CDKAL1: variants seen among roughly 807,000 people sequenced by gnomAD.
The protein encoded by CDKAL1 is CDKAL1 threonylcarbamoyladenosine tRNA methylthiotransferase.
A neutral mutation model predicts 68.2 loss-of-function variants in CDKAL1; 32 were observed. That is an observed-to-expected ratio of 0.47 (90% CI 0.35 to 0.63). The LOEUF (loss-of-function observed/expected upper bound fraction) is 0.63, where lower values mean the gene tolerates loss of function less well. CDKAL1 is among the 30% of genes least tolerant of loss of function. The pLI, the probability that CDKAL1 is intolerant of heterozygous loss-of-function variation, is 0.00. For synonymous variants in CDKAL1, 234 were observed against 244.3 expected, an observed-to-expected ratio of 0.96 and a Z score of 0.39; for missense variants, 606 against 696.7, an observed-to-expected ratio of 0.87 and a Z score of 1.47.
At chr6:21,017,218 T>C (rs1371097063) in intron 11 of CDKAL1, among the ~76,000 whole-genome samples, 2 of 152,248 alleles carry the variant, frequency 1.3e-5, no homozygotes. Context: ...AGTATTTTTG[T>C]GTGTATGTTT....
chr6:21,154,073 C>T (rs1225691426), intron 13 of CDKAL1, among the ~76,000 whole-genome samples: 1 of 152,142 alleles, frequency 6.6e-6, no homozygotes, highest in African/African-American at 2.4e-5. Context: ...CCCTGTGTCT[C>T]GGTTTCCTCA....
intron 12 of CDKAL1, among the ~76,000 whole-genome samples, chr6:21,074,935 T>G (rs1444667437): frequency 6.6e-6 from 1 of 151,982 alleles, no homozygotes; most frequent in Non-Finnish European, 1.5e-5. Context: ...GTACCCAAAA[T>G]GTAGTGGTGT....
At chr6:21,080,121 C>G (rs1489379007) in intron 12 of CDKAL1, among the ~76,000 whole-genome samples, 1 of 150,708 alleles carries the variant, frequency 6.6e-6, no homozygotes, top group African/African-American at 2.4e-5. Context: ...GAGCACTTCC[C>G]TTATATCCAC....
chr6:21,072,617 GC>G lies in CDKAL1; in HGVS notation c.1236+7391del, dbSNP rs541243847. ...TCTTGTCTTTTATCTTCTAAACGTAGCCTGTTACCATCTTCCTCACGTTTTA... is the reference window on the plus strand; with the variant it reads ...TCTTGTCTTTTATCTTCTAAACGTAGCTGTTACCATCTTCCTCACGTTTTA... On this transcript the variant is annotated intron_variant, in intron 12 of 15. Transcript: ENST00000274695. Among the ~76,000 whole-genome samples, 139 of 135,706 alleles carry G rather than the reference GC, an allele frequency of 1.0e-3. 1 individual carries two copies. Among genetic ancestry groups the G allele is most frequent in the African/African-American group, 2.9e-3 (106 of 35,980 alleles). 89.0% of individuals were successfully genotyped at this position (135,706 alleles called of 152,430 possible).
chr6:20,592,747 G>A (rs1765647078), intron 4 of CDKAL1, among the ~76,000 whole-genome samples: 1 of 152,116 alleles, frequency 6.6e-6, no homozygotes, highest in Non-Finnish European at 1.5e-5. Flanking sequence ...GATTACAGGT[G>A]TGAGCCGCTG....
At chr6:20,771,264 C>A (rs117309072) in intron 7 of CDKAL1, among the ~76,000 whole-genome samples, 1 of 152,214 alleles carries the variant, frequency 6.6e-6, no homozygotes, top group East Asian at 1.9e-4. Flanking sequence ...TCACTCTTGC[C>A]ATTTCTATAG....
At chr6:20,940,582 CCT>C (rs1213470397) in intron 9 of CDKAL1, among the ~76,000 whole-genome samples, 1 of 152,080 alleles carries the variant, frequency 6.6e-6, no homozygotes, top group African/African-American at 2.4e-5. Flanking sequence ...GGAGATGGAG[CCT>C]CTCTCTTTTG....
At chr6:21,162,460 C>A (rs1776966233) in intron 13 of CDKAL1, among the ~76,000 whole-genome samples, 1 of 152,192 alleles carries the variant, frequency 6.6e-6, no homozygotes, top group Non-Finnish European at 1.5e-5. Flanking sequence ...GAGGCCCATT[C>A]CATGGTTTTG....
At chr6:21,141,850 A>G (rs1420185385) in intron 13 of CDKAL1, among the ~76,000 whole-genome samples, 1 of 152,238 alleles carries the variant, frequency 6.6e-6, no homozygotes, top group Non-Finnish European at 1.5e-5. Context: ...CCACAAACAT[A>G]TTGACCCAAA....
intron 4 of CDKAL1, among the ~76,000 whole-genome samples, chr6:20,596,050 C>G (rs975278540): frequency 1.3e-5 from 2 of 152,168 alleles, no homozygotes; most frequent in Non-Finnish European, 2.9e-5. Flanking sequence ...CTGGAAACTT[C>G]GTCTGCCAGA....
chr6:21,040,647 T>C (rs1191691092), intron 11 of CDKAL1, among the ~76,000 whole-genome samples: 1 of 152,210 alleles, frequency 6.6e-6, no homozygotes, highest in Non-Finnish European at 1.5e-5. Flanking sequence ...AATATTATTA[T>C]ACTTCAGGGT....
chr6:20,775,084 C>G (rs567413622), intron 7 of CDKAL1, among the ~76,000 whole-genome samples: 1 of 152,200 alleles, frequency 6.6e-6, no homozygotes, highest in East Asian at 1.9e-4. Flanking sequence ...TTGAGTATGT[C>G]TCATTCTACA....
At chr6:20,807,518 G>A (rs1175973170) in intron 8 of CDKAL1, among the ~76,000 whole-genome samples, 1 of 152,194 alleles carries the variant, frequency 6.6e-6, no homozygotes, top group Non-Finnish European at 1.5e-5. Context: ...ACTGTACCCG[G>A]CCTGAAATTT....
In CDKAL1 at chr6:21,166,466, G is replaced by A. The variant is rs79381660; in HGVS notation, c.1300-31555G>A. Among the ~76,000 whole-genome samples the A allele has an allele frequency of 5.8e-3, 882 of 152,260 alleles. 8 individuals carry two copies. The highest frequency in any genetic ancestry group is 0.018 in the African/African-American group (758 of 41,552). Reference sequence around the variant, plus strand: ...AGATCATACATAACATGCCAGGCACGAAATGGCATAGACCTGCAGGAGTGC... The same window carrying A: ...AGATCATACATAACATGCCAGGCACAAAATGGCATAGACCTGCAGGAGTGC... On this transcript the variant is annotated intron_variant, in intron 13 of 15. Transcript: ENST00000274695.
intron 9 of CDKAL1, among the ~76,000 whole-genome samples, chr6:20,950,154 G>C (rs1011865104): frequency 1.3e-5 from 2 of 152,152 alleles, no homozygotes; most frequent in South Asian, 4.1e-4. Context: ...TGGGCGTAAA[G>C]CATAGTGGCC....
At chr6:20,904,753 C>T (rs1206798043) in intron 9 of CDKAL1, among the ~76,000 whole-genome samples, 1 of 151,278 alleles carries the variant, frequency 6.6e-6, no homozygotes, top group Non-Finnish European at 1.5e-5. Context: ...TGCGGCATTG[C>T]ACTCCAGCCT....
intron 7 of CDKAL1, among the ~76,000 whole-genome samples, chr6:20,764,287 A>G (rs919223441): frequency 6.6e-6 from 1 of 152,190 alleles, no homozygotes; most frequent in African/African-American, 2.4e-5. Context: ...TTCTTTACCA[A>G]TCAACCTCTG....
intron 14 of CDKAL1, among the ~76,000 whole-genome samples, chr6:21,199,516 C>G (rs1778603302): frequency 1.3e-5 from 2 of 152,208 alleles, no homozygotes; most frequent in African/African-American, 4.8e-5. Context: ...TCTTCTCTCT[C>G]CTTTCTCTTG....
At chr6:20,575,498 A>G (rs981338950) in intron 4 of CDKAL1, among the ~76,000 whole-genome samples, 6 of 151,514 alleles carry the variant, frequency 4.0e-5, no homozygotes, top group Non-Finnish European at 8.8e-5. Context: ...AAAAGTATCC[A>G]TTTAATTTTA....
Sources: allele counts gnomAD v4.1 joint callset (sites outside exome capture counted in the v4.1 genomes callset), GRCh38; gene constraint gnomAD v4.1.1; transcripts MANE v1.5; gene names NCBI Gene and HGNC (gene_info 2026-07-23, HGNC 2026-07-21).